The following VAT1L variants were observed in gnomAD, a reference collection of about 807,000 sequenced individuals.
VAT1L encodes the protein vesicle amine transport 1 like.
VAT1L carries 34 observed loss-of-function variants against 44.1 expected under a neutral mutation model. The ratio of observed to expected loss-of-function variants is 0.77; its 90% confidence interval spans 0.59 to 1.03. VAT1L has a LOEUF of 1.03. Among genes scored for constraint, VAT1L ranks in the 50% least tolerant of loss-of-function variants. The pLI is 0.00. For missense variants in VAT1L, 615 were observed against 538.8 expected, an observed-to-expected ratio of 1.14 and a Z score of -1.40; for synonymous variants, 253 against 202.2, an observed-to-expected ratio of 1.25 and a Z score of -2.13.
At chr16:77,931,718 C>T (rs2017733143) in intron 7 of VAT1L, among the ~76,000 whole-genome samples, 1 of 152,082 alleles carries the variant, frequency 6.6e-6, no homozygotes, top group African/African-American at 2.4e-5. Context: ...ATCTTATAAG[C>T]CCCTAGGCAG....
intron 7 of VAT1L, among the ~76,000 whole-genome samples, chr16:77,925,030 T>C (rs935327114): frequency 2.6e-5 from 4 of 152,296 alleles, no homozygotes; most frequent in Non-Finnish European, 5.9e-5. Flanking sequence ...CCACAAGGCT[T>C]TTGAGAACAT....
chr16:77,916,743 T>C (rs1216073005), intron 7 of VAT1L, among the ~76,000 whole-genome samples: 6 of 151,922 alleles, frequency 3.9e-5, no homozygotes, highest in Admixed American at 1.3e-4. Flanking sequence ...TCTTTTGTCA[T>C]TGCTTTTTAA....
intron 3 of VAT1L, among the ~76,000 whole-genome samples, chr16:77,834,602 C>G (rs937722212): frequency 5.3e-5 from 8 of 152,124 alleles, no homozygotes; most frequent in Non-Finnish European, 1.2e-4. Flanking sequence ...GGCCTGGGAC[C>G]CTGAATAACT....
chr16:77,850,167 G>T lies in VAT1L; in HGVS notation c.580-12581G>T, dbSNP rs145698010. Reference sequence around the variant, plus strand: ...CATGCTGGTGTACAAATCCCCGTGTGTAGGGTACAGGCATTGTAGGAGATG... The same window carrying T: ...CATGCTGGTGTACAAATCCCCGTGTTTAGGGTACAGGCATTGTAGGAGATG... On this transcript the variant is annotated intron_variant, in intron 3 of 8. Coordinates refer to ENST00000302536, the MANE Select transcript of VAT1L (RefSeq NM_020927.3). Among the ~76,000 whole-genome samples the T allele has an allele frequency of 1.9e-3, 284 of 152,324 alleles. 2 individuals carry two copies. The highest frequency in any genetic ancestry group is 5.8e-3 in the African/African-American group (240 of 41,570).
chr16:77,948,421 A>G (rs2017997507), intron 7 of VAT1L, among the ~76,000 whole-genome samples: 1 of 152,212 alleles, frequency 6.6e-6, no homozygotes, highest in Admixed American at 6.5e-5. Flanking sequence ...ATCATCAAAC[A>G]TATGCTGGGT....
intron 4 of VAT1L, among the ~76,000 whole-genome samples, chr16:77,870,785 G>A (rs1370024858): frequency 6.6e-6 from 1 of 152,226 alleles, no homozygotes; most frequent in South Asian, 2.1e-4. Flanking sequence ...TATGCAGGCA[G>A]TGGTGAACAC....
chr16:77,826,311 C>T (rs571746160), intron 3 of VAT1L, among the ~76,000 whole-genome samples: 2 of 152,134 alleles, frequency 1.3e-5, no homozygotes, highest in East Asian at 3.9e-4. Flanking sequence ...TCTACTACTG[C>T]TATTATTTGA....
chr16:77,891,979 G>A (rs1317613512), intron 7 of VAT1L, among the ~76,000 whole-genome samples: 1 of 152,154 alleles, frequency 6.6e-6, no homozygotes, highest in African/African-American at 2.4e-5. Flanking sequence ...GGCTGAGGCA[G>A]GAGAATCACT....
chr16:77,862,017 G>C (rs961622613), intron 3 of VAT1L, among the ~76,000 whole-genome samples: 9 of 152,108 alleles, frequency 5.9e-5, no homozygotes, highest in African/African-American at 2.2e-4. Flanking sequence ...TCTTAGGTTC[G>C]GCTTCTGGGG....
intron 7 of VAT1L, chr16:77,892,473 C>T (rs1488169956): frequency 1.9e-6 from 1 of 522,802 alleles, no homozygotes; most frequent in South Asian, 1.5e-5. Flanking sequence ...ATGGTGGGCC[C>T]TTGTGTCTCC....
intron 7 of VAT1L, among the ~76,000 whole-genome samples, chr16:77,953,771 T>C (rs453880): frequency 0.44 from 66,152 of 151,852 alleles, 14,603 homozygotes; most frequent in Middle Eastern, 0.51. Flanking sequence ...GTTGAGATTA[T>C]GGGCATGAGC....
chr16:77,931,248 T>G (rs1442448072), intron 7 of VAT1L, among the ~76,000 whole-genome samples: 1 of 152,186 alleles, frequency 6.6e-6, no homozygotes, highest in Non-Finnish European at 1.5e-5. Context: ...TAAAATGACG[T>G]CAGCACCCTC....
chr16:77,942,469 G>A (rs776461876), intron 7 of VAT1L, among the ~76,000 whole-genome samples: 16 of 152,056 alleles, frequency 1.1e-4, no homozygotes, highest in Non-Finnish European at 1.8e-4. Context: ...ATACAATTGT[G>A]AAGAGAGGAG....
chr16:77,876,144 C>G (rs542718937), intron 4 of VAT1L, among the ~76,000 whole-genome samples: 1 of 152,318 alleles, frequency 6.6e-6, no homozygotes, highest in Non-Finnish European at 1.5e-5. Context: ...TTCCCAGTGG[C>G]AGCTACCACC....
chr16:77,963,962 T>C (rs1230590470), intron 7 of VAT1L, among the ~76,000 whole-genome samples: 2 of 152,042 alleles, frequency 1.3e-5, no homozygotes, highest in Non-Finnish European at 1.5e-5. Context: ...GTGGTGCAAA[T>C]AGTGGCTGGT....
At chr16:77,933,602 G>A (rs992507697) in intron 7 of VAT1L, among the ~76,000 whole-genome samples, 2 of 152,226 alleles carry the variant, frequency 1.3e-5, no homozygotes, top group African/African-American at 2.4e-5. Flanking sequence ...GGATGGGGAA[G>A]GCAGGTATTT....
intron 7 of VAT1L, among the ~76,000 whole-genome samples, chr16:77,949,815 A>C (rs995105952): frequency 6.6e-6 from 1 of 152,208 alleles, no homozygotes; most frequent in Non-Finnish European, 1.5e-5. Flanking sequence ...TTTTATAACA[A>C]CACAAAGGGA....
At chr16:77,892,402 C>T (rs1597086065) in intron 7 of VAT1L, 1 of 420,428 alleles carries the variant, frequency 2.4e-6, no homozygotes. Context: ...TCTCCTGGCT[C>T]TGCAGACACT....
At chr16:77,919,404 G>A in intron 7 of VAT1L, among the ~76,000 whole-genome samples, 1 of 152,192 alleles carries the variant, frequency 6.6e-6, no homozygotes, top group East Asian at 1.9e-4. Context: ...AATGTGAAGT[G>A]TTCAGCAACA....
Sources: allele counts gnomAD v4.1 joint callset (sites outside exome capture counted in the v4.1 genomes callset), GRCh38; gene constraint gnomAD v4.1.1; transcripts MANE v1.5; gene names NCBI Gene and HGNC (gene_info 2026-07-23, HGNC 2026-07-21).